IGDCC4: variants seen among roughly 807,000 people sequenced by gnomAD.
IGDCC4 encodes the protein immunoglobulin superfamily DCC subclass member 4.
Under a neutral mutation model 116.6 loss-of-function variants are expected in IGDCC4, and 72 were observed. The ratio of observed to expected loss-of-function variants is 0.62; its 90% CI spans 0.51 to 0.75. The LOEUF is 0.75. Ranked by LOEUF, IGDCC4 falls within the 30% of genes least tolerant of loss-of-function variation. The pLI is 0.00. For synonymous variants in IGDCC4, 709 were observed against 719.9 expected, an observed-to-expected ratio of 0.98 and a Z score of 0.24; for missense variants, 1,501 against 1,662.4, an observed-to-expected ratio of 0.90 and a Z score of 1.69.
In IGDCC4 at chr15:65,390,164, T is replaced by C. The variant is rs1236305014; in HGVS notation, c.2399A>G (p.Tyr800Cys). The C allele has an allele frequency of 1.3e-6, 2 of 1,587,498 alleles. No individual in the cohort carries two copies. Among genetic ancestry groups the C allele is most frequent in the Non-Finnish European group, 1.7e-6 (2 of 1,159,246 alleles). The change falls in exon 13 of 20, where the codon TAT becomes TGT. Residue 800 changes from tyrosine to cysteine, a missense_variant. Physicochemically the swap from Tyr to Cys is radical, Grantham distance 194. Coordinates refer to ENST00000352385, the MANE Select transcript of IGDCC4 (RefSeq NM_020962.3). ...WGLRNASLVT[Y>C]YTSSGEDILI... ...AGGCATTAGTCCCCACCTGGTGTAA[T>C]AGGTGACCAGGGAGGCATTCCTGAG... is the stretch of plus-strand genomic sequence containing the variant.
rs61746773 is a variant in IGDCC4 at position 65,385,070 on chromosome 15, C to T, written c.3226G>A (p.Ala1076Thr). 5.6e-6 allele frequency: 9 copies of T among 1,603,402 alleles called. No homozygotes were observed. The Admixed American group carries it at 1.5e-4, about 28-fold the overall frequency. ...PSGLSWAGSW[A>T]GCELPQAGPR... ...CCTGCCTGGGGCAGCTCACAGCCTG[C>T]CCAGGAACCAGCCCAGCTCAGCCCG... Residue 1076 changes from alanine (A) to threonine (T), a missense_variant, in exon 19 of 20, where the codon GCA becomes ACA. This residue lies in a region of IGDCC4 where 368 missense variants were observed against 355.6 expected (regional missense o/e 1.03). Transcript: ENST00000352385.
Position 65,395,193 on chromosome 15 carries a change from G to C in IGDCC4, c.1477C>G (p.Leu493Val). Residue 493 changes from leucine (L) to valine (V), a missense_variant, in exon 8 of 20, where the codon CTG (leucine) becomes GTG (valine). By Grantham distance (32) the Leu-to-Val change is conservative. Transcript: ENST00000352385. ...NDTTELQVRD[L>V]EPNTDYEFYV... is the part of the protein sequence containing the mutation. Reference sequence around the variant, plus strand: ...AACTCATAATCTGTGTTGGGTTCCAGGTCCCGAACCTGTAGTTCTGTGGTG... The same window carrying C: ...AACTCATAATCTGTGTTGGGTTCCACGTCCCGAACCTGTAGTTCTGTGGTG... 5 of 1,613,990 alleles carry C rather than the reference G, an allele frequency of 3.1e-6. No homozygotes were observed. Among genetic ancestry groups the C allele is most frequent in the Non-Finnish European group, 4.2e-6 (5 of 1,179,952 alleles).
chr15:65,396,240 T>G, intron 6 of IGDCC4, 77 bp from the exon 7 acceptor site: 4 of 1,054,908 alleles, frequency 3.8e-6, no homozygotes, highest in Non-Finnish European at 4.6e-6. Flanking sequence ...ACCCCAAGCC[T>G]GCCCCCCACC....
chr15:65,407,783 C>A (rs560857936), intron 3 of IGDCC4, among the ~76,000 whole-genome samples: 4 of 148,522 alleles, frequency 2.7e-5, no homozygotes, highest in African/African-American at 1.0e-4. Context: ...TGCGTCACCA[C>A]GCCTGGATAA....
Position 65,396,050 on chromosome 15 carries a change from T to C in IGDCC4, c.1111A>G (p.Asn371Asp). The C allele has an allele frequency of 6.9e-7, 1 of 1,442,698 alleles. No homozygotes were observed. Among genetic ancestry groups the C allele is most frequent in the Non-Finnish European group, 9.1e-7 (1 of 1,103,292 alleles). 89.4% of individuals were successfully genotyped at this position (1,442,698 alleles called of 1,614,324 possible). A position where few individuals can be genotyped will look rare whatever the true frequency, so the allele number is the denominator to read the frequency against. The change falls in exon 7 of 20, where the codon AAC becomes GAC. Residue 371 changes from asparagine to aspartate, a missense_variant. Physicochemically the swap from Asn to Asp is conservative, Grantham distance 23. Coordinates refer to ENST00000352385, the MANE Select transcript of IGDCC4 (RefSeq NM_020962.3). ...EPRPALRWLH[N>D]GAPLRPNGRV... is the part of the protein sequence containing the mutation. ...CCGTTGGGCCGCAGCGGCGCCCCGT[T>C]GTGCAGCCAGCGCAGCGCTGGCCGC...
At chr15:65,414,882 T>G (rs868589388) in intron 1 of IGDCC4, among the ~76,000 whole-genome samples, 5 of 152,228 alleles carry the variant, frequency 3.3e-5, no homozygotes, top group Non-Finnish European at 7.3e-5. Context: ...CCTCAAGTGA[T>G]CTGCCTGCCT....
rs1417347704 is a variant in IGDCC4 at position 65,416,918 on chromosome 15, C to T, written c.71-5548G>A. Among the ~76,000 whole-genome samples, 3 of 152,264 alleles carry T rather than the reference C, an allele frequency of 2.0e-5. No individual in the cohort carries two copies. The East Asian group carries it at 5.8e-4, about 29-fold the overall frequency. On this transcript the variant is annotated intron_variant, in intron 1 of 19. Coordinates refer to ENST00000352385, the MANE Select transcript of IGDCC4 (RefSeq NM_020962.3). ...GAGATTCGCTGCTGAGCTCCAGGGC[C>T]AGCTCAATGCTGTTTCGTGGGATTA...
In IGDCC4 at chr15:65,407,698, C is replaced by T. The variant is rs1458494588; in HGVS notation, c.563+2480G>A. 3.3e-5 allele frequency among the ~76,000 whole-genome samples: 5 copies of T among 150,682 alleles called. No individual in the cohort carries two copies. The East Asian group carries it at 9.7e-4, about 29-fold the overall frequency. ...GACAGGTGAAGTGGCTCAATTTTGG[C>T]TCACTGCAAGCTCCACCTCCCGGGT... On this transcript the variant is annotated intron_variant, in intron 3 of 19. Coordinates refer to ENST00000352385, the MANE Select transcript of IGDCC4 (RefSeq NM_020962.3).
At chr15:65,407,273 T>A (rs2063048637) in intron 3 of IGDCC4, among the ~76,000 whole-genome samples, 1 of 144,546 alleles carries the variant, frequency 6.9e-6, no homozygotes, top group Non-Finnish European at 1.5e-5. Flanking sequence ...TGCAACATAA[T>A]CCCATTTTTG....
Position 65,388,961 on chromosome 15 carries a change from ATGGGGGTGTGGAGGGCCC to A in IGDCC4, c.2537-1_2553del. 6.2e-7 allele frequency: 1 copy of A among 1,603,906 alleles called. No homozygotes were observed. Among genetic ancestry groups the A allele is most frequent in the South Asian group, 1.1e-5 (1 of 89,808 alleles). Reference sequence around the variant, plus strand: ...GTCAGGGGGCTCAGTCGCAGGTCGGATGGGGGTGTGGAGGGCCCTGGGGTGCGGGAGAGGAGATGGGGA... The same window carrying A: ...GTCAGGGGGCTCAGTCGCAGGTCGGATGGGGTGCGGGAGAGGAGATGGGGA... On this transcript the variant is annotated splice_acceptor_variant and coding_sequence_variant, in exon 15 of 20. Transcript: ENST00000352385. LOFTEE classifies it high-confidence loss of function.
At chr15:65,419,834 C>T (rs981631861) in intron 1 of IGDCC4, among the ~76,000 whole-genome samples, 33 of 152,200 alleles carry the variant, frequency 2.2e-4, no homozygotes, top group African/African-American at 8.0e-4. Flanking sequence ...CACCTGTTCA[C>T]AAAGGGGTCC....
intron 6 of IGDCC4, 59 bp downstream of exon 6, chr15:65,396,775 C>G (rs2062931333): frequency 2.6e-6 from 4 of 1,535,434 alleles, no homozygotes; most frequent in Middle Eastern, 2.1e-4. Context: ...CCACCTCCCC[C>G]TGCTCTATTC....
Position 65,422,910 on chromosome 15 carries a change from G to T in IGDCC4, c.-48C>A. ...CGCCGCCGCCGCCTCCCCGTGCTTCGGCCGCCGCCGCGGGGGGAGAGCGCG... is the reference window on the plus strand; with the variant it reads ...CGCCGCCGCCGCCTCCCCGTGCTTCTGCCGCCGCCGCGGGGGGAGAGCGCG... On this transcript the variant is annotated 5_prime_UTR_variant, in exon 1 of 20. Coordinates refer to ENST00000352385, the MANE Select transcript of IGDCC4 (RefSeq NM_020962.3). 4 of 985,314 alleles carry T rather than the reference G, an allele frequency of 4.1e-6. No homozygotes were observed. Among genetic ancestry groups the T allele is most frequent in the Non-Finnish European group, 4.8e-6 (4 of 829,940 alleles). The allele number at this position is 985,314 out of a possible 1,614,324, so 61.0% of individuals were successfully genotyped here.
chr15:65,420,137 G>C (rs2063177115), intron 1 of IGDCC4, among the ~76,000 whole-genome samples: 1 of 152,038 alleles, frequency 6.6e-6, no homozygotes, highest in South Asian at 2.1e-4. Context: ...AGTAGAGATG[G>C]GGTTTCACCA....
intron 3 of IGDCC4, among the ~76,000 whole-genome samples, chr15:65,407,093 C>T (rs927401669): frequency 2.6e-5 from 4 of 152,038 alleles, no homozygotes; most frequent in African/African-American, 7.2e-5. Context: ...CCACGCAGGT[C>T]GCTGGAGTCT....
chr15:65,389,144 T>A, intron 14 of IGDCC4, 140 bp downstream of exon 14: 1 of 1,260,448 alleles, frequency 7.9e-7, no homozygotes, highest in South Asian at 1.5e-5. Context: ...TGGAGGGACT[T>A]AACATTCCTC....
At position 65,395,913 on chromosome 15, in the gene IGDCC4, AGC is replaced by A; in HGVS notation, c.1246_1247del (p.Ala416CysfsTer84). 1 of 1,590,360 alleles carries A rather than the reference AGC, an allele frequency of 6.3e-7. No individual in the cohort carries two copies. Among genetic ancestry groups the A allele is most frequent in the Non-Finnish European group, 8.5e-7 (1 of 1,175,352 alleles). On this transcript the variant is annotated frameshift_variant, in exon 7 of 20. Transcript: ENST00000352385. LOFTEE classifies it high-confidence loss of function. Reference sequence around the variant, plus strand: ...GCACCACCACGGCCAGCGACGCGGCAGCGCACGCCATTCCCGCGCTGTTCTCA... The same window carrying A: ...GCACCACCACGGCCAGCGACGCGGCAGCACGCCATTCCCGCGCTGTTCTCA... Reference protein sequence around the residue: ...VAENSAGMACAAASLAVVVRE... With the variant: ...VAENSAGMACXAASLAVVVRE...
intron 5 of IGDCC4, among the ~76,000 whole-genome samples, chr15:65,399,688 G>A (rs536375133): frequency 1.2e-4 from 18 of 152,228 alleles, no homozygotes; most frequent in Middle Eastern, 3.4e-3. Flanking sequence ...AGATAGGTGC[G>A]AAAATGCCAG....
Position 65,392,297 on chromosome 15 carries a change from AG to A in IGDCC4, c.1958del (p.Pro653LeufsTer47). ...TGTAGCCAGAGATCTGGGTGGGGTG[AG>A]GGGGTGGCTGCCATGACACGACCAG... is the stretch of plus-strand genomic sequence containing the variant. Reference protein sequence around the residue: ...ESLVVSWQPPPHPTQISGYKL... With the variant: ...ESLVVSWQPPXHPTQISGYKL... On this transcript the variant is annotated frameshift_variant, in exon 11 of 20. Coordinates refer to ENST00000352385, the MANE Select transcript of IGDCC4 (RefSeq NM_020962.3). LOFTEE classifies it high-confidence loss of function. 1.3e-6 allele frequency: 2 copies of A among 1,597,622 alleles called. No individual in the cohort carries two copies. The highest frequency in any genetic ancestry group is 2.3e-5 in the East Asian group (1 of 44,366).
Sources: gnomAD v4.1 joint callset for allele counts (sites outside exome capture counted in the v4.1 genomes callset) on GRCh38, gnomAD v4.1.1 for gene constraint, gnomAD v4.1.1 regional missense constraint, MANE v1.5 for transcripts, NCBI Gene and HGNC (gene_info 2026-07-23, HGNC 2026-07-21) for gene names.